MTG1: variants seen among roughly 807,000 people sequenced by gnomAD.
MTG1 encodes mitochondrial ribosome-associated GTPase 1.
A neutral mutation model predicts 39.5 loss-of-function variants in MTG1; 30 were observed. The observed-to-expected ratio is 0.76, with a 90% confidence interval of 0.57 to 1.03. The LOEUF (loss-of-function observed/expected upper bound fraction) is 1.03, where lower values mean the gene tolerates loss of function less well. Ranked by LOEUF, MTG1 falls within the 50% of genes least tolerant of loss-of-function variation. The pLI, the probability that MTG1 is intolerant of heterozygous loss-of-function variation, is 0.00. For missense variants in MTG1, 513 were observed against 447.4 expected (o/e 1.15, Z -1.32); for synonymous variants, 217 against 179.0 (o/e 1.21, Z -1.69).
At chr10:133,412,289 A>G (rs1164199323) in intron 9 of MTG1, among the ~76,000 whole-genome samples, 1 of 151,988 alleles carries the variant, frequency 6.6e-6, no homozygotes, top group Non-Finnish European at 1.5e-5. Flanking sequence ...ACTCTTCGCT[A>G]TTTTTGATAC....
Position 133,402,286 on chromosome 10 carries a change from G to GC in MTG1, c.670+45dup. On this transcript the variant is annotated intron_variant, in intron 8 of 10. Transcript: ENST00000317502. This position sits in a 1 kb window ranked among gnomAD's most constrained non-coding sequence, Gnocchi z 4.7. ...GGCTGGGGCTGGGGCTGGGACCGGG[G>GC]CCCCTGCCACCCCACCTTTAGGGCT... is the stretch of plus-strand genomic sequence containing the variant. The GC allele has an allele frequency of 6.2e-7, 1 of 1,610,688 alleles. No individual in the cohort carries two copies. The highest frequency in any genetic ancestry group is 8.5e-7 in the Non-Finnish European group (1 of 1,178,702).
intron 3 of MTG1, 63 bp downstream of exon 3, chr10:133,396,330 C>G: frequency 2.1e-6 from 3 of 1,419,638 alleles, no homozygotes; most frequent in East Asian, 2.3e-5. Context: ...GTCGCTTGTT[C>G]TAACGGAAGA....
At chr10:133,401,307 A>C (rs1453873972) in intron 6 of MTG1, 1 of 467,016 alleles carries the variant, frequency 2.1e-6, no homozygotes, top group Non-Finnish European at 3.8e-6. Context: ...TGTGACTGAA[A>C]GTGAAACAAA....
At chr10:133,401,858 A>G in intron 7 of MTG1, 1 of 616,688 alleles carries the variant, frequency 1.6e-6, no homozygotes, top group Non-Finnish European at 2.9e-6. Flanking sequence ...TGGTCAGGAC[A>G]GACCTGAGTG....
At chr10:133,410,614 T>C (rs1589916146) in intron 9 of MTG1, among the ~76,000 whole-genome samples, 1 of 152,234 alleles carries the variant, frequency 6.6e-6, no homozygotes, top group Non-Finnish European at 1.5e-5. Context: ...TAACAAGTTA[T>C]TTAGTTATTT....
chr10:133,419,590 C>T lies in MTG1; in HGVS notation c.863C>T (p.Thr288Met), dbSNP rs1378561119. ...CAGAAGGTGAAGGTGCTCACGGGCA[C>T]GGGTGAGTGAGGTCGCTGATGCGGG... ...KTQKVKVLTG[T>M]GNVNIIQPNY... Residue 288 changes from threonine to methionine, a missense_variant and splice_region_variant, in exon 10 of 11, where the codon ACG (threonine) becomes ATG (methionine). Transcript: ENST00000317502. 10 of 1,599,080 alleles carry T rather than the reference C, an allele frequency of 6.3e-6. No individual in the cohort carries two copies. Among genetic ancestry groups the T allele is most frequent in the Non-Finnish European group, 4.3e-6 (5 of 1,173,344 alleles).
At chr10:133,405,540 C>T (rs1003309928) in intron 9 of MTG1, among the ~76,000 whole-genome samples, 9 of 152,220 alleles carry the variant, frequency 5.9e-5, no homozygotes, top group African/African-American at 1.9e-4. Context: ...TGCTCTCTGT[C>T]TTAATGAAGT....
At chr10:133,419,945 G>A (rs148468900) in intron 10 of MTG1, 81 bp from the exon 11 acceptor site, 84 of 1,485,394 alleles carry the variant, frequency 5.7e-5, no homozygotes, top group Non-Finnish European at 6.7e-5. Context: ...GAGCCTCTTA[G>A]GGCTGGTCCC....
intron 9 of MTG1, among the ~76,000 whole-genome samples, chr10:133,411,423 T>G (rs1398312531): frequency 6.6e-6 from 1 of 152,224 alleles, no homozygotes; most frequent in African/African-American, 2.4e-5. Context: ...GTAGGGTAGT[T>G]TTATTTGGGT....
intron 9 of MTG1, among the ~76,000 whole-genome samples, chr10:133,411,393 G>T (rs773571346): frequency 6.6e-6 from 1 of 152,122 alleles, no homozygotes; most frequent in African/African-American, 2.4e-5. Context: ...TGACTTTTGA[G>T]AGTTTGATTA....
In MTG1 at chr10:133,396,247, G is replaced by A. The variant is rs1429360862; in HGVS notation, c.262G>A (p.Ala88Thr). 1.2e-6 allele frequency: 2 copies of A among 1,614,126 alleles called. No individual in the cohort carries two copies. Residue 88 changes from alanine (A) to threonine (T), a missense_variant, in exon 3 of 11, where the codon GCG (alanine) becomes ACG (threonine). Physicochemically the swap from Ala to Thr is moderately conservative, Grantham distance 58 (BLOSUM62 0). Coordinates refer to ENST00000317502, the MANE Select transcript of MTG1 (RefSeq NM_138384.4). ...HLLVLNKMDL[A>T]DLTEQQKIMQ... ...GCTGGTCCTCAACAAGATGGACTTGGCGGATCTTACAGAGCAGCAGGTAAA... is the reference window on the plus strand; with the variant it reads ...GCTGGTCCTCAACAAGATGGACTTGACGGATCTTACAGAGCAGCAGGTAAA...
chr10:133,402,793 G>A lies in MTG1; in HGVS notation c.752+20G>A. The A allele has an allele frequency of 3.2e-6, 5 of 1,569,052 alleles. No homozygotes were observed. The highest frequency in any genetic ancestry group is 1.7e-4 in the Middle Eastern group (1 of 5,956). Reference sequence around the variant, plus strand: ...CTTTGGGTGAGTGCAGTGAATGCAGGGCAGCTGGGGCCCCTCCTCCTAGTC... The same window carrying A: ...CTTTGGGTGAGTGCAGTGAATGCAGAGCAGCTGGGGCCCCTCCTCCTAGTC... On this transcript the variant is annotated intron_variant, in intron 9 of 10. Transcript: ENST00000317502. This position sits in a 1 kb window ranked among gnomAD's most constrained non-coding sequence, Gnocchi z 4.7.
chr10:133,407,744 A>G lies in MTG1; in HGVS notation c.752+4971A>G, dbSNP rs1002476739. Among the ~76,000 whole-genome samples, 6 of 150,572 alleles carry G rather than the reference A, an allele frequency of 4.0e-5. No homozygotes were observed. The East Asian group carries it at 1.2e-3, about 29-fold the overall frequency. ...CCACCACGCCTGGCTCATTTTTTAT[A>G]ATTTTAGTAGAGATGGGGTTTCTCC... is the stretch of plus-strand genomic sequence containing the variant. On this transcript the variant is annotated intron_variant, in intron 9 of 10. Coordinates refer to ENST00000317502, the MANE Select transcript of MTG1 (RefSeq NM_138384.4).
intron 9 of MTG1, among the ~76,000 whole-genome samples, chr10:133,413,871 C>G (rs1342847642): frequency 6.6e-6 from 1 of 151,696 alleles, no homozygotes; most frequent in African/African-American, 2.4e-5. Flanking sequence ...ATATATTTTC[C>G]CATCAGTTTA....
In MTG1 at chr10:133,402,378, C is replaced by T. The variant is rs543094641; in HGVS notation, c.670+133C>T. ...TTGACCTGGTTGCTGCCAGACCTTC[C>T]TCGAAGCTTAGTGTGAGAGCTGTAA... is the stretch of plus-strand genomic sequence containing the variant. On this transcript the variant is annotated intron_variant, in intron 8 of 10. Transcript: ENST00000317502. The surrounding 1 kb of genome is among the most constrained non-coding windows in gnomAD (Gnocchi z 4.7). 533 of 1,047,566 alleles carry T rather than the reference C, an allele frequency of 5.1e-4. 5 individuals carry two copies. The South Asian group carries it at 6.9e-3, about 13-fold the overall frequency. The allele number at this position is 1,047,566 out of a possible 1,614,324, so 64.9% of individuals were successfully genotyped here. A position where few individuals can be genotyped will look rare whatever the true frequency, so the allele number is the denominator to read the frequency against.
chr10:133,416,407 TTTATTA>T (rs950468778), intron 9 of MTG1, among the ~76,000 whole-genome samples: 1 of 150,738 alleles, frequency 6.6e-6, no homozygotes, highest in East Asian at 1.9e-4. Flanking sequence ...TTTATTTTAT[TTTATTA>T]TTATTATACT....
At chr10:133,405,240 A>T (rs1399348385) in intron 9 of MTG1, among the ~76,000 whole-genome samples, 1 of 151,900 alleles carries the variant, frequency 6.6e-6, no homozygotes, top group Non-Finnish European at 1.5e-5. Flanking sequence ...TTTATATTGA[A>T]CTCTTTTTTA....
chr10:133,404,756 C>T (rs1405287155), intron 9 of MTG1, among the ~76,000 whole-genome samples: 1 of 151,514 alleles, frequency 6.6e-6, no homozygotes, highest in Non-Finnish European at 1.5e-5. Flanking sequence ...TTTTTTTGCA[C>T]ATGGAGAACC....
chr10:133,410,679 G>C (rs549276174), intron 9 of MTG1, among the ~76,000 whole-genome samples: 1 of 151,306 alleles, frequency 6.6e-6, no homozygotes, highest in East Asian at 1.9e-4. Context: ...GGCTGAGATA[G>C]GAGGATTGCT....
Sources: allele counts gnomAD v4.1 joint callset (sites outside exome capture counted in the v4.1 genomes callset), GRCh38; gene constraint gnomAD v4.1.1; non-coding constraint Gnocchi (gnomAD v3.1); transcripts MANE v1.5; gene names NCBI Gene and HGNC (gene_info 2026-07-23, HGNC 2026-07-21).